IQSEC1: variants seen among roughly 807,000 people sequenced by gnomAD.
The protein encoded by IQSEC1 is IQ motif and Sec7 domain ArfGEF 1.
Under a neutral mutation model 91.0 loss-of-function variants are expected in IQSEC1, and 31 were observed. The ratio of observed to expected loss-of-function variants is 0.34; its 90% CI spans 0.26 to 0.46. The LOEUF is 0.46. Ranked by LOEUF, IQSEC1 falls within the 20% of genes least tolerant of loss-of-function variation. The pLI, the probability that IQSEC1 is intolerant of heterozygous loss-of-function variation, is 1.00. For synonymous variants in IQSEC1, 699 were observed against 662.6 expected (o/e 1.05, Z -0.84); for missense variants, 1,388 against 1,575.6 (o/e 0.88, Z 2.02).
At position 13,214,436 on chromosome 3, in the gene IQSEC1, C is replaced by T. The variant is rs1338514614; in HGVS notation, c.273-50303G>A. Among the ~76,000 whole-genome samples, 1 of 152,272 alleles carries T rather than the reference C, an allele frequency of 6.6e-6. No individual in the cohort carries two copies. Among genetic ancestry groups the T allele is most frequent in the African/African-American group, 2.4e-5 (1 of 41,484 alleles). ...CAGCAAGCTCGAGCCAGAACTCTGG[C>T]CGTGGCCCCCTGCCTTGAATCTGGG... is the stretch of plus-strand genomic sequence containing the variant. On this transcript the variant is annotated intron_variant, in intron 1 of 15. Coordinates refer to the IQSEC1 transcript ENST00000648114. This position sits in a 1 kb window ranked among gnomAD's most constrained non-coding sequence, Gnocchi z 4.5.
intron 2 of IQSEC1, among the ~76,000 whole-genome samples, chr3:13,131,478 C>CTTTTTTT (rs61345195): frequency 8.6e-5 from 7 of 81,706 alleles, no homozygotes; most frequent in Admixed American, 1.6e-4. Flanking sequence ...AAATCTATGT[C>CTTTTTTT]TTTTTTTTTT....
chr3:13,148,530 A>T (rs893245795), intron 2 of IQSEC1, among the ~76,000 whole-genome samples: 3 of 152,198 alleles, frequency 2.0e-5, no homozygotes, highest in Admixed American at 1.3e-4. Context: ...TGGGAAAAAA[A>T]ATTGCAGGTT....
At chr3:12,918,086 C>A (rs899281475) in intron 6 of IQSEC1, among the ~76,000 whole-genome samples, 3 of 152,232 alleles carry the variant, frequency 2.0e-5, no homozygotes, top group African/African-American at 7.2e-5. Flanking sequence ...ACCTGCCTGG[C>A]CTCAGCCATT....
At chr3:12,930,816 T>C (rs1327697391) in intron 3 of IQSEC1, among the ~76,000 whole-genome samples, 1 of 152,194 alleles carries the variant, frequency 6.6e-6, no homozygotes, top group East Asian at 1.9e-4. Flanking sequence ...AGGATCTCCG[T>C]GGTCAGAGGT....
chr3:13,170,488 C>T (rs1213101747), intron 1 of IQSEC1, among the ~76,000 whole-genome samples: 1 of 152,188 alleles, frequency 6.6e-6, no homozygotes, highest in Non-Finnish European at 1.5e-5. Context: ...AATGGTAGAT[C>T]CACCAACAGC....
chr3:13,085,075 G>A (rs535996890), intron 2 of IQSEC1, among the ~76,000 whole-genome samples: 1 of 152,264 alleles, frequency 6.6e-6, no homozygotes, highest in East Asian at 1.9e-4. Flanking sequence ...GAACAAAGAG[G>A]AACAGGGAAG....
At chr3:12,907,186 T>A (rs748199950) in intron 12 of IQSEC1, among the ~76,000 whole-genome samples, 15 of 152,124 alleles carry the variant, frequency 9.9e-5, no homozygotes, top group Non-Finnish European at 1.6e-4. Flanking sequence ...CAACTGGCAA[T>A]GAATTTCTGA....
intron 1 of IQSEC1, among the ~76,000 whole-genome samples, chr3:13,179,709 G>A (rs1312141336): frequency 2.6e-5 from 4 of 152,384 alleles, no homozygotes; most frequent in East Asian, 3.9e-4. Context: ...TTTCTGGGCT[G>A]GCCAAGGCCG....
chr3:13,020,680 A>G (rs1703358242), intron 1 of IQSEC1, among the ~76,000 whole-genome samples: 1 of 151,948 alleles, frequency 6.6e-6, no homozygotes, highest in Non-Finnish European at 1.5e-5. Flanking sequence ...TCTTTTTTTT[A>G]GAGATGAGGT....
At chr3:13,089,869 G>A (rs1705807140) in intron 2 of IQSEC1, among the ~76,000 whole-genome samples, 1 of 152,194 alleles carries the variant, frequency 6.6e-6, no homozygotes, top group Admixed American at 6.5e-5. Flanking sequence ...GGGGATGGTT[G>A]TGCAACTCAG....
At chr3:13,232,743 C>T (rs1227758885) in intron 1 of IQSEC1, among the ~76,000 whole-genome samples, 1 of 151,992 alleles carries the variant, frequency 6.6e-6, no homozygotes, top group Non-Finnish European at 1.5e-5. Context: ...AGTAGTGTAC[C>T]CCAGTGTCCA....
At chr3:13,004,767 G>T (rs535837958) in intron 1 of IQSEC1, among the ~76,000 whole-genome samples, 4 of 152,074 alleles carry the variant, frequency 2.6e-5, no homozygotes, top group Non-Finnish European at 4.4e-5. Context: ...CATTATCAAG[G>T]GGGGAGGCTA....
chr3:12,987,102 G>C, intron 1 of IQSEC1: 1 of 338,526 alleles, frequency 3.0e-6, no homozygotes, highest in Non-Finnish European at 5.9e-6. Flanking sequence ...CGGCCAGTGC[G>C]GGTCATAAAC....
chr3:12,920,927 T>TC (rs1172892805), intron 5 of IQSEC1, among the ~76,000 whole-genome samples: 1 of 152,088 alleles, frequency 6.6e-6, no homozygotes, highest in African/African-American at 2.4e-5. Context: ...TGGGCCCCTC[T>TC]CCCCGCTGCC....
rs1702147127 is a variant in IQSEC1, at chr3:12,994,563, C to T, written c.24-52698G>A. On this transcript the variant is annotated intron_variant, in intron 1 of 13. Transcript: ENST00000613206. The surrounding 1 kb of genome is among the most constrained non-coding windows in gnomAD (Gnocchi z 4.5). ...CCCCAATAAACAGCGAACAAACGCA[C>T]CTCAGGCCAAGTCCCCCGGCTCCTC... 6.6e-6 allele frequency among the ~76,000 whole-genome samples: 1 copy of T among 152,118 alleles called. No homozygotes were observed. The highest frequency in any genetic ancestry group is 2.1e-4 in the South Asian group (1 of 4,834).
intron 1 of IQSEC1, among the ~76,000 whole-genome samples, chr3:13,221,117 A>G (rs1694651218): frequency 6.6e-6 from 1 of 152,148 alleles, no homozygotes; most frequent in African/African-American, 2.4e-5. Context: ...ATAGTGTGAC[A>G]CCATAGCAAG....
intron 1 of IQSEC1, among the ~76,000 whole-genome samples, chr3:13,205,654 C>A (rs1356538502): frequency 6.6e-6 from 1 of 151,504 alleles, no homozygotes; most frequent in African/African-American, 2.4e-5. Context: ...ATCTCTTCAC[C>A]CCTCCATCCA....
In IQSEC1 at chr3:12,908,588, G is replaced by A; in HGVS notation, c.2579-63C>T. ...ACAGCCTAGAGTGGGCAGGAGACGGGGCCTTCTGCTTGGAGCTAGCACTGT... is the reference window on the plus strand; with the variant it reads ...ACAGCCTAGAGTGGGCAGGAGACGGAGCCTTCTGCTTGGAGCTAGCACTGT... On this transcript the variant is annotated intron_variant, in intron 11 of 13. Coordinates refer to ENST00000613206, the MANE Select transcript of IQSEC1 (RefSeq NM_001134382.3). The surrounding 1 kb of genome is among the most constrained non-coding windows in gnomAD (Gnocchi z 4.9). 3 of 1,553,950 alleles carry A rather than the reference G, an allele frequency of 1.9e-6. No homozygotes were observed. Among genetic ancestry groups the A allele is most frequent in the East Asian group, 2.2e-5 (1 of 44,494 alleles).
At chr3:13,128,291 C>CT (rs1303237342) in intron 2 of IQSEC1, among the ~76,000 whole-genome samples, 2 of 152,154 alleles carry the variant, frequency 1.3e-5, no homozygotes, top group African/African-American at 4.8e-5. Context: ...ACTAATGATG[C>CT]TATCAGTAGG....
Sources: allele counts gnomAD v4.1 joint callset (sites outside exome capture counted in the v4.1 genomes callset), GRCh38; gene constraint gnomAD v4.1.1; non-coding constraint Gnocchi (gnomAD v3.1); transcripts MANE v1.5; gene names NCBI Gene and HGNC (gene_info 2026-07-23, HGNC 2026-07-21).